Variants in TRAF3 observed in about 807,000 individuals in gnomAD.
TRAF3 encodes TNF receptor associated factor 3, also known as TNF receptor-associated factor 3.
In TRAF3, 13 loss-of-function variants were observed where a neutral mutation model predicts 62.3. The ratio of observed to expected loss-of-function variants is 0.21; its 90% CI spans 0.14 to 0.33. TRAF3 has a LOEUF of 0.33. Among genes scored for constraint, TRAF3 ranks in the 10% least tolerant of loss-of-function variants. The pLI is 1.00. For synonymous variants in TRAF3, 269 were observed against 283.4 expected (o/e 0.95, Z 0.51); for missense variants, 440 against 741.8 (o/e 0.59, Z 4.73).
chr14:102,807,977 TG>T (rs778331741), intron 1 of TRAF3, among the ~76,000 whole-genome samples: 4 of 152,224 alleles, frequency 2.6e-5, no homozygotes, highest in Admixed American at 6.5e-5. Context: ...CATACCTCTA[TG>T]CTCCACTAGT....
rs191919726 is a variant in TRAF3 at position 102,891,987 on chromosome 14, A to T, written c.819+570A>T. Among the ~76,000 whole-genome samples the T allele has an allele frequency of 5.7e-3, 860 of 152,016 alleles. 9 individuals carry two copies. Among genetic ancestry groups the T allele is most frequent in the Admixed American group, 9.9e-3 (151 of 15,270 alleles). ...GATTTTGTCATTTGACACCTTGTGA[A>T]ACTTGGTGCGCTCTCCACATAGACA... On this transcript the variant is annotated intron_variant, in intron 9 of 11. Transcript: ENST00000392745.
chr14:102,792,327 G>T (rs771421440), intron 1 of TRAF3, among the ~76,000 whole-genome samples: 1 of 150,850 alleles, frequency 6.6e-6, no homozygotes, highest in Non-Finnish European at 1.5e-5. Flanking sequence ...GGGTCTTGCT[G>T]TGTTGCCCAG....
intron 6 of TRAF3, among the ~76,000 whole-genome samples, chr14:102,885,685 G>A (rs532276636): frequency 1.3e-5 from 2 of 152,322 alleles, no homozygotes; most frequent in South Asian, 4.1e-4. Context: ...TACTCAGTAG[G>A]TTATGCTGCT....
chr14:102,866,420 A>T (rs58710762), intron 2 of TRAF3, among the ~76,000 whole-genome samples: 4,410 of 152,178 alleles, frequency 0.029, 192 homozygotes, highest in African/African-American at 0.098. Flanking sequence ...ATAATAATTT[A>T]AAAAAAAGTC....
At chr14:102,811,728 A>G (rs1899167144) in intron 1 of TRAF3, among the ~76,000 whole-genome samples, 1 of 138,540 alleles carries the variant, frequency 7.2e-6, no homozygotes, top group East Asian at 2.1e-4. Context: ...CTACAGCAGT[A>G]GTGTGTGTGT....
rs1394846969 is a variant in TRAF3 at position 102,814,695 on chromosome 14, C to CT, written c.-156-15631dup. Among the ~76,000 whole-genome samples, 13 of 151,598 alleles carry CT rather than the reference C, an allele frequency of 8.6e-5. 1 individual carries two copies. Among genetic ancestry groups the CT allele is most frequent in the Middle Eastern group, 3.4e-3 (1 of 294 alleles). ...CACCACATCTGGCTAATTTTTTGTA[C>CT]TTTTTTTTGTAGAGACGGGGTTTTG... is the stretch of plus-strand genomic sequence containing the variant. On this transcript the variant is annotated intron_variant, in intron 1 of 11. Coordinates refer to ENST00000392745, the MANE Select transcript of TRAF3 (RefSeq NM_145725.3).
intron 1 of TRAF3, among the ~76,000 whole-genome samples, chr14:102,794,654 T>G: frequency 6.6e-6 from 1 of 152,212 alleles, no homozygotes; most frequent in Admixed American, 6.5e-5. Context: ...GGTATACGCA[T>G]GGTGGCTAGA....
At position 102,847,587 on chromosome 14, in the gene TRAF3, G is replaced by A. The variant is rs188218212; in HGVS notation, c.-18+17115G>A. Reference sequence around the variant, plus strand: ...GTAATTAAAGAAGGATAAGGTTGGCGTTGCTTTGCTCCTTTTTTTATTGAA... The same window carrying A: ...GTAATTAAAGAAGGATAAGGTTGGCATTGCTTTGCTCCTTTTTTTATTGAA... On this transcript the variant is annotated intron_variant, in intron 2 of 11. Transcript: ENST00000392745. 4.2e-4 allele frequency among the ~76,000 whole-genome samples: 64 copies of A among 152,288 alleles called. 1 individual carries two copies. Among genetic ancestry groups the A allele is most frequent in the Admixed American group, 3.1e-3 (48 of 15,294 alleles).
intron 2 of TRAF3, among the ~76,000 whole-genome samples, chr14:102,867,592 C>T (rs558226047): frequency 1.3e-5 from 2 of 152,114 alleles, no homozygotes; most frequent in East Asian, 3.9e-4. Flanking sequence ...CTGGGTGGGC[C>T]TAGGGGAACG....
intron 2 of TRAF3, among the ~76,000 whole-genome samples, chr14:102,869,121 C>T (rs546896981): frequency 6.6e-6 from 1 of 152,260 alleles, no homozygotes; most frequent in Non-Finnish European, 1.5e-5. Flanking sequence ...CTCCCTCACA[C>T]GCTCCTCACC....
At chr14:102,874,219 T>C (rs1888509219) in intron 4 of TRAF3, among the ~76,000 whole-genome samples, 1 of 152,012 alleles carries the variant, frequency 6.6e-6, no homozygotes, top group African/African-American at 2.4e-5. Context: ...GAAGCCATGA[T>C]TGCACCAGTG....
intron 6 of TRAF3, among the ~76,000 whole-genome samples, chr14:102,884,657 A>G (rs1889259473): frequency 6.6e-6 from 1 of 151,982 alleles, no homozygotes; most frequent in Non-Finnish European, 1.5e-5. Flanking sequence ...TAAAAATACA[A>G]AAAATTAGCT....
At chr14:102,839,638 C>T (rs946569483) in intron 2 of TRAF3, among the ~76,000 whole-genome samples, 1 of 152,216 alleles carries the variant, frequency 6.6e-6, no homozygotes, top group African/African-American at 2.4e-5. Context: ...CTCATACTGT[C>T]AGTGTGTCGC....
intron 1 of TRAF3, among the ~76,000 whole-genome samples, chr14:102,792,175 A>T (rs1183651142): frequency 8.2e-6 from 1 of 121,702 alleles, no homozygotes; most frequent in African/African-American, 3.2e-5. Flanking sequence ...CCCAGGCTGG[A>T]GTACAGTGAT....
chr14:102,790,086 C>T (rs1897715718), intron 1 of TRAF3, among the ~76,000 whole-genome samples: 1 of 152,130 alleles, frequency 6.6e-6, no homozygotes. Context: ...CCTCAGCCTC[C>T]CAAAGTGTTG....
chr14:102,785,074 A>G (rs1373370316), intron 1 of TRAF3, among the ~76,000 whole-genome samples: 1 of 152,240 alleles, frequency 6.6e-6, no homozygotes, highest in East Asian at 1.9e-4. Flanking sequence ...TGGTTTCACC[A>G]CAGCTGAATT....
intron 1 of TRAF3, among the ~76,000 whole-genome samples, chr14:102,794,368 G>A (rs964534637): frequency 6.6e-5 from 10 of 152,094 alleles, no homozygotes; most frequent in African/African-American, 2.4e-4. Flanking sequence ...TTTTTGTAGA[G>A]ACAAGGTCTT....
At chr14:102,822,778 G>T (rs1270919383) in intron 1 of TRAF3, among the ~76,000 whole-genome samples, 1 of 152,228 alleles carries the variant, frequency 6.6e-6, no homozygotes, top group African/African-American at 2.4e-5. Flanking sequence ...GGTGAAGGCG[G>T]GTGGATCACC....
chr14:102,872,084 T>C (rs540224102), intron 4 of TRAF3, 116 bp downstream of exon 4: 44 of 1,075,804 alleles, frequency 4.1e-5, no homozygotes, highest in Middle Eastern at 2.0e-4. Context: ...TGGCAGCTGA[T>C]GCGGCAGGCT....
Sources: allele counts gnomAD v4.1 joint callset (sites outside exome capture counted in the v4.1 genomes callset), GRCh38; gene constraint gnomAD v4.1.1; transcripts MANE v1.5; gene names NCBI Gene and HGNC (gene_info 2026-07-23, HGNC 2026-07-21).